Variants in CDH12 observed in about 807,000 individuals in gnomAD.
CDH12 encodes the protein cadherin 12.
Under a neutral mutation model 74.1 loss-of-function variants are expected in CDH12, and 41 were observed. That is an observed-to-expected ratio of 0.55 (90% confidence interval 0.43 to 0.72). CDH12 has a LOEUF of 0.72. CDH12 is among the 30% of genes least tolerant of loss of function. CDH12 has a pLI of 0.00. For missense variants in CDH12, 945 were observed against 977.2 expected (o/e 0.97, Z 0.44); for synonymous variants, 399 against 355.0 (o/e 1.12, Z -1.39).
intron 1 of CDH12, among the ~76,000 whole-genome samples, chr5:22,559,475 C>T (rs944412175): frequency 8.6e-5 from 13 of 151,980 alleles, no homozygotes; most frequent in African/African-American, 2.9e-4. Flanking sequence ...CCAACATATG[C>T]ACATTTTCTA....
intron 3 of CDH12, among the ~76,000 whole-genome samples, chr5:22,237,737 G>A (rs1209963235): frequency 6.6e-6 from 1 of 152,164 alleles, no homozygotes; most frequent in African/African-American, 2.4e-5. Context: ...TTGTATCCAT[G>A]AGGTGCATAT....
chr5:22,497,603 C>A (rs1446193911), intron 2 of CDH12, among the ~76,000 whole-genome samples: 1 of 151,230 alleles, frequency 6.6e-6, no homozygotes, highest in Admixed American at 6.6e-5. Context: ...CAAGGTCCTT[C>A]CAATGCCCTC....
intron 1 of CDH12, among the ~76,000 whole-genome samples, chr5:22,796,632 G>T (rs576201001): frequency 5.2e-5 from 6 of 116,312 alleles, no homozygotes; most frequent in Non-Finnish European, 1.0e-4. Context: ...CCATTCTCCT[G>T]CCTCAGCCTC....
At chr5:22,242,532 C>T (rs1190251015) in intron 3 of CDH12, among the ~76,000 whole-genome samples, 1 of 152,080 alleles carries the variant, frequency 6.6e-6, no homozygotes, top group East Asian at 1.9e-4. Flanking sequence ...TCCACTTTTC[C>T]ATAGTCTGTA....
chr5:22,302,267 G>A (rs370669147), intron 3 of CDH12, among the ~76,000 whole-genome samples: 2 of 151,934 alleles, frequency 1.3e-5, no homozygotes, highest in East Asian at 3.9e-4. Context: ...ATGTACATAG[G>A]CAAATTAGTG....
chr5:21,828,362 TC>T, intron 8 of CDH12, among the ~76,000 whole-genome samples: 1 of 152,276 alleles, frequency 6.6e-6, no homozygotes, highest in South Asian at 2.1e-4. Context: ...CCTCAAGTGA[TC>T]CACCTGCCTC....
chr5:22,029,350 T>G (rs999642602), intron 5 of CDH12, among the ~76,000 whole-genome samples: 2 of 152,094 alleles, frequency 1.3e-5, no homozygotes, highest in African/African-American at 4.8e-5. Flanking sequence ...AGAACATTTT[T>G]GCAACCTACT....
chr5:21,908,486 C>A (rs1437492215), intron 6 of CDH12, among the ~76,000 whole-genome samples: 1 of 152,152 alleles, frequency 6.6e-6, no homozygotes, highest in East Asian at 1.9e-4. Context: ...TGTCTTCATT[C>A]TGGGGTTGAT....
Position 21,832,373 on chromosome 5 carries a change from A to T in CDH12, c.814+9788T>A, listed in dbSNP as rs1749072111. On this transcript the variant is annotated intron_variant, in intron 8 of 14. Coordinates refer to ENST00000382254, the MANE Select transcript of CDH12 (RefSeq NM_004061.5). The stretch of plus-strand genomic sequence containing the variant: ...TTAAATTTGCTAATTTTCTTTTTAT[A>T]TGCCTACATCAGCCTATATAGAGCC... Among the ~76,000 whole-genome samples, 3 of 152,052 alleles carry T rather than the reference A, an allele frequency of 2.0e-5. No homozygotes were observed. The South Asian group carries it at 6.2e-4, about 31-fold the overall frequency.
At chr5:22,419,614 T>C (rs906187504) in intron 2 of CDH12, among the ~76,000 whole-genome samples, 1 of 152,198 alleles carries the variant, frequency 6.6e-6, no homozygotes, top group Non-Finnish European at 1.5e-5. Flanking sequence ...TGAACATACA[T>C]GTGCTTGTGT....
intron 6 of CDH12, among the ~76,000 whole-genome samples, chr5:21,927,866 G>A (rs1304266575): frequency 2.0e-5 from 3 of 151,828 alleles, no homozygotes; most frequent in Non-Finnish European, 4.4e-5. Flanking sequence ...TCAGGTGATC[G>A]AGACCATCCT....
chr5:21,764,928 A>C (rs556020388), intron 12 of CDH12, 50 bp downstream of exon 12: 2 of 1,585,484 alleles, frequency 1.3e-6, no homozygotes, highest in African/African-American at 1.4e-5. Context: ...AACTTAAAAC[A>C]TGCATATGGT....
chr5:22,520,927 T>A (rs771647917), intron 1 of CDH12, among the ~76,000 whole-genome samples: 2 of 152,096 alleles, frequency 1.3e-5, no homozygotes, highest in Non-Finnish European at 2.9e-5. Context: ...CTTTAGATGT[T>A]TTTAGCTCCA....
chr5:22,692,383 A>G (rs1475620162), intron 1 of CDH12, among the ~76,000 whole-genome samples: 2 of 152,224 alleles, frequency 1.3e-5, no homozygotes, highest in Admixed American at 6.5e-5. Context: ...TTTCAACTAC[A>G]TGCCTCCATG....
chr5:22,743,115 G>A (rs1745110092), intron 1 of CDH12, among the ~76,000 whole-genome samples: 2 of 151,620 alleles, frequency 1.3e-5, no homozygotes, highest in Admixed American at 1.3e-4. Flanking sequence ...TCTTCAGACT[G>A]AAACTTACGT....
intron 1 of CDH12, among the ~76,000 whole-genome samples, chr5:22,570,496 A>G (rs1739489868): frequency 6.6e-6 from 1 of 152,182 alleles, no homozygotes; most frequent in Non-Finnish European, 1.5e-5. Context: ...GACCAGATGC[A>G]ATGTCTATGA....
chr5:22,139,337 T>A (rs2150295914), intron 4 of CDH12: 1 of 142,558 alleles, frequency 7.0e-6, no homozygotes, highest in Admixed American at 7.2e-5. Context: ...GGGTTTAAAT[T>A]GCAGGAGGTT....
At chr5:22,811,378 G>C (rs1256122018) in intron 1 of CDH12, among the ~76,000 whole-genome samples, 2 of 152,146 alleles carry the variant, frequency 1.3e-5, no homozygotes, top group Non-Finnish European at 2.9e-5. Flanking sequence ...AGCAGAAAGA[G>C]AGAACCTAGG....
intron 1 of CDH12, among the ~76,000 whole-genome samples, chr5:22,583,523 A>T (rs372194352): frequency 2.6e-5 from 4 of 152,206 alleles, no homozygotes; most frequent in South Asian, 4.1e-4. Flanking sequence ...GAAATAACAT[A>T]ATCCTTTAAT....
Sources: gnomAD v4.1 joint callset for allele counts (sites outside exome capture counted in the v4.1 genomes callset) on GRCh38, gnomAD v4.1.1 for gene constraint, MANE v1.5 for transcripts, NCBI Gene and HGNC (gene_info 2026-07-23, HGNC 2026-07-21) for gene names.